The following BICC1 variants were observed in gnomAD, a reference collection of about 807,000 sequenced individuals.
BICC1 encodes the protein BicC family RNA binding protein 1.
Under a neutral mutation model 111.0 loss-of-function variants are expected in BICC1, and 43 were observed. The observed-to-expected ratio is 0.39, with a 90% CI of 0.30 to 0.50. The LOEUF (loss-of-function observed/expected upper bound fraction) is 0.50, where lower values mean the gene tolerates loss of function less well. Among genes scored for constraint, BICC1 ranks in the 20% least tolerant of loss-of-function variants. The probability of loss-of-function intolerance (pLI) is 0.88; values close to 1 mark genes in which losing one functional copy is unlikely to be tolerated. For missense variants in BICC1, 1,091 were observed against 1,203.2 expected (o/e 0.91, Z 1.38); for synonymous variants, 467 against 434.4 (o/e 1.07, Z -0.93).
chr10:58,550,052 A>G (rs1048826668), intron 1 of BICC1, among the ~76,000 whole-genome samples: 23 of 151,982 alleles, frequency 1.5e-4, no homozygotes, highest in Non-Finnish European at 1.2e-4. Context: ...GTCTTGCTCT[A>G]TCACCTTGAC....
chr10:58,647,590 A>G (rs1342063029), intron 2 of BICC1, among the ~76,000 whole-genome samples: 4 of 152,166 alleles, frequency 2.6e-5, no homozygotes, highest in Non-Finnish European at 5.9e-5. Context: ...CACACTCCTA[A>G]AAACCATCAT....
At chr10:58,629,427 C>G (rs1487902078) in intron 2 of BICC1, among the ~76,000 whole-genome samples, 1 of 151,764 alleles carries the variant, frequency 6.6e-6, no homozygotes, top group Admixed American at 6.6e-5. Flanking sequence ...TTATTTAAAT[C>G]GGCAATTATC....
At chr10:58,686,606 T>C (rs56149680) in intron 2 of BICC1, among the ~76,000 whole-genome samples, 15,948 of 152,090 alleles carry the variant, frequency 0.1, 898 homozygotes, top group Non-Finnish European at 0.12. Flanking sequence ...TCTTACTTCA[T>C]TTCATTCATT....
intron 18 of BICC1, among the ~76,000 whole-genome samples, chr10:58,815,304 C>T (rs1844054280): frequency 6.6e-6 from 1 of 152,130 alleles, no homozygotes; most frequent in Non-Finnish European, 1.5e-5. Context: ...AATAAGAAAG[C>T]ACGGACAACT....
chr10:58,635,356 T>C (rs1837923059), intron 2 of BICC1, among the ~76,000 whole-genome samples: 1 of 152,246 alleles, frequency 6.6e-6, no homozygotes, highest in East Asian at 1.9e-4. Flanking sequence ...CCAGTATTGT[T>C]TGATGAAATG....
chr10:58,701,376 T>C (rs1448002198), intron 2 of BICC1, among the ~76,000 whole-genome samples: 1 of 152,160 alleles, frequency 6.6e-6, no homozygotes, highest in African/African-American at 2.4e-5. Context: ...CTTTTCTTAT[T>C]TACCGTCCAT....
In BICC1 at chr10:58,697,443, G is replaced by A. The variant is rs574155468; in HGVS notation, c.238-4631G>A. On this transcript the variant is annotated intron_variant, in intron 2 of 20. Transcript: ENST00000373886. ...TTTTGGTTTTGTGAAGGTGCAAATAGGGACAATAATGAAATTTTTTTAGAG... is the reference window on the plus strand; with the variant it reads ...TTTTGGTTTTGTGAAGGTGCAAATAAGGACAATAATGAAATTTTTTTAGAG... Among the ~76,000 whole-genome samples the A allele has an allele frequency of 2.6e-5, 4 of 152,212 alleles. No individual in the cohort carries two copies. The South Asian group carries it at 8.3e-4, about 32-fold the overall frequency.
intron 14 of BICC1, among the ~76,000 whole-genome samples, chr10:58,802,363 C>A (rs1014254219): frequency 6.6e-6 from 1 of 152,146 alleles, no homozygotes; most frequent in Non-Finnish European, 1.5e-5. Flanking sequence ...AGTAGTTGAA[C>A]AAATAAAATC....
rs191227477 is a variant in BICC1 at position 58,761,797 on chromosome 10, A to G, written c.308-23204A>G. ...AGTATATCATTATCTTTAGAGGTCT[A>G]GAAAAAGTGCCTACGTCATCCTTTC... On this transcript the variant is annotated intron_variant, in intron 3 of 20. Coordinates refer to ENST00000373886, the MANE Select transcript of BICC1 (RefSeq NM_001080512.3). Among the ~76,000 whole-genome samples, 420 of 152,322 alleles carry G rather than the reference A, an allele frequency of 2.8e-3. 5 individuals are homozygous for G. Among genetic ancestry groups the G allele is most frequent in the African/African-American group, 9.3e-3 (388 of 41,586 alleles).
chr10:58,680,872 G>A, intron 2 of BICC1, among the ~76,000 whole-genome samples: 1 of 152,010 alleles, frequency 6.6e-6, no homozygotes, highest in Non-Finnish European at 1.5e-5. Flanking sequence ...AGGTCCACAT[G>A]TCTACAACCA....
chr10:58,645,928 G>T (rs1704764817), intron 2 of BICC1, among the ~76,000 whole-genome samples: 1 of 152,028 alleles, frequency 6.6e-6, no homozygotes, highest in Non-Finnish European at 1.5e-5. Context: ...CTTTCCTCTG[G>T]CAAATGAACA....
At chr10:58,597,598 C>G (rs1185905080) in intron 1 of BICC1, among the ~76,000 whole-genome samples, 1 of 152,072 alleles carries the variant, frequency 6.6e-6, no homozygotes, top group Non-Finnish European at 1.5e-5. Context: ...CCTAGTAAGC[C>G]TGAGGGTACT....
intron 2 of BICC1, among the ~76,000 whole-genome samples, chr10:58,655,952 A>G (rs1285195878): frequency 6.6e-6 from 1 of 152,080 alleles, no homozygotes; most frequent in African/African-American, 2.4e-5. Flanking sequence ...GACCGCTAGC[A>G]AGACTAATAA....
At chr10:58,615,730 C>T (rs568921607) in intron 1 of BICC1, among the ~76,000 whole-genome samples, 22 of 152,142 alleles carry the variant, frequency 1.4e-4, no homozygotes, top group Middle Eastern at 3.2e-3. Context: ...AGAGAGCCTT[C>T]GGTCCCCACT....
intron 3 of BICC1, among the ~76,000 whole-genome samples, chr10:58,753,538 A>AT (rs372285350): frequency 1.2e-4 from 18 of 152,166 alleles, no homozygotes; most frequent in African/African-American, 3.9e-4. Flanking sequence ...GAGGGATCCA[A>AT]TTTTTTTCCA....
chr10:58,769,703 T>A (rs1047933983), intron 3 of BICC1, among the ~76,000 whole-genome samples: 1 of 151,998 alleles, frequency 6.6e-6, no homozygotes, highest in Non-Finnish European at 1.5e-5. Flanking sequence ...GTTATTTTTG[T>A]TTAGAAAATA....
At chr10:58,659,259 C>A (rs1016473308) in intron 2 of BICC1, among the ~76,000 whole-genome samples, 8 of 152,120 alleles carry the variant, frequency 5.3e-5, no homozygotes, top group Non-Finnish European at 1.0e-4. Context: ...GAATAGAAAT[C>A]TTTCTACCAT....
intron 3 of BICC1, among the ~76,000 whole-genome samples, chr10:58,784,029 T>A (rs1273579443): frequency 6.6e-6 from 1 of 152,170 alleles, no homozygotes; most frequent in African/African-American, 2.4e-5. Context: ...CCTTTAAGCC[T>A]TTACTCATAT....
intron 2 of BICC1, among the ~76,000 whole-genome samples, chr10:58,647,308 A>G (rs1327628651): frequency 6.6e-6 from 1 of 152,192 alleles, no homozygotes; most frequent in Non-Finnish European, 1.5e-5. Flanking sequence ...GAATATTCCA[A>G]ATTTCTACTG....
Sources: allele counts gnomAD v4.1 joint callset (sites outside exome capture counted in the v4.1 genomes callset), GRCh38; gene constraint gnomAD v4.1.1; transcripts MANE v1.5; gene names NCBI Gene and HGNC (gene_info 2026-07-23, HGNC 2026-07-21).